CLIC4: variants seen among roughly 807,000 people sequenced by gnomAD.
CLIC4 encodes CLIC family member 4, also known as chloride intracellular channel protein 4.
Under a neutral mutation model 24.6 loss-of-function variants are expected in CLIC4, and 13 were observed. That is an observed-to-expected ratio of 0.53 (90% CI 0.34 to 0.84). The LOEUF (loss-of-function observed/expected upper bound fraction) is 0.84, where lower values mean the gene tolerates loss of function less well. CLIC4 is among the 40% of genes least tolerant of loss of function. CLIC4 has a pLI of 0.01. For missense variants in CLIC4, 227 were observed against 301.7 expected, an observed-to-expected ratio of 0.75 and a Z score of 1.83; for synonymous variants, 104 against 111.3, an observed-to-expected ratio of 0.93 and a Z score of 0.41.
At chr1:24,838,195 A>G (rs1176797757) in intron 4 of CLIC4, among the ~76,000 whole-genome samples, 3 of 152,062 alleles carry the variant, frequency 2.0e-5, no homozygotes, top group Non-Finnish European at 2.9e-5. Context: ...CTCTGTCCCC[A>G]AGATCTAAAC....
At chr1:24,778,456 G>A (rs1277800912) in intron 1 of CLIC4, among the ~76,000 whole-genome samples, 1 of 152,080 alleles carries the variant, frequency 6.6e-6, no homozygotes, top group Admixed American at 6.5e-5. Context: ...TTGATTTATT[G>A]TAGTTGATAC....
chr1:24,805,872 C>T (rs1039552793), intron 2 of CLIC4, among the ~76,000 whole-genome samples: 10 of 152,104 alleles, frequency 6.6e-5, no homozygotes, highest in Non-Finnish European at 1.0e-4. Context: ...CCTTTTCATT[C>T]GTTTCTTTTC....
chr1:24,836,580 G>A (rs1171183662), intron 4 of CLIC4, among the ~76,000 whole-genome samples: 1 of 152,224 alleles, frequency 6.6e-6, no homozygotes. Context: ...GCTCATGCCT[G>A]TAATCCCAGC....
intron 4 of CLIC4, among the ~76,000 whole-genome samples, chr1:24,838,152 CTT>C (rs1639904365): frequency 1.3e-5 from 2 of 152,086 alleles, no homozygotes; most frequent in Non-Finnish European, 2.9e-5. Context: ...CCCTGGGAGT[CTT>C]TAGTTTGTTG....
chr1:24,817,911 G>A (rs1241765510), intron 3 of CLIC4, among the ~76,000 whole-genome samples: 3 of 152,148 alleles, frequency 2.0e-5, no homozygotes, highest in Non-Finnish European at 4.4e-5. Context: ...AAAGACAGGG[G>A]AACAGCAATC....
intron 1 of CLIC4, among the ~76,000 whole-genome samples, chr1:24,783,736 T>G (rs988073502): frequency 6.6e-6 from 1 of 152,142 alleles, no homozygotes; most frequent in Non-Finnish European, 1.5e-5. Flanking sequence ...GTAATTGTCT[T>G]CTGAACCAGA....
At chr1:24,793,096 A>AT (rs1393447047) in intron 1 of CLIC4, 1 of 151,366 alleles carries the variant, frequency 6.6e-6, no homozygotes, top group African/African-American at 2.4e-5. Flanking sequence ...AATTTTATAG[A>AT]TTAAGTGGAG....
chr1:24,745,960 C>T (rs1338286389), intron 1 of CLIC4, among the ~76,000 whole-genome samples: 2 of 150,378 alleles, frequency 1.3e-5, no homozygotes, highest in Non-Finnish European at 3.0e-5. Flanking sequence ...GCCGGGCGCG[C>T]GCGGGTCCTG....
At chr1:24,758,980 A>G (rs1638886917) in intron 1 of CLIC4, among the ~76,000 whole-genome samples, 2 of 152,172 alleles carry the variant, frequency 1.3e-5, no homozygotes, top group African/African-American at 4.8e-5. Context: ...GGTTTTATAA[A>G]AGAAACTCAG....
At chr1:24,796,425 G>C (rs1298785054) in intron 1 of CLIC4, among the ~76,000 whole-genome samples, 3 of 152,136 alleles carry the variant, frequency 2.0e-5, no homozygotes, top group Non-Finnish European at 4.4e-5. Context: ...CTGACCTCGT[G>C]ATCTGCCCTC....
rs1209794668 is a variant in CLIC4 at position 24,759,000 on chromosome 1, A to G, written c.72+13375A>G. 5.9e-5 allele frequency among the ~76,000 whole-genome samples: 9 copies of G among 152,138 alleles called. No individual in the cohort carries two copies. The South Asian group carries it at 6.2e-4, about 10-fold the overall frequency. ...TATAAAAGAAACTCAGATTTTGCCTATATCTTCTTTAGAACATTTGATCTT... is the reference window on the plus strand; with the variant it reads ...TATAAAAGAAACTCAGATTTTGCCTGTATCTTCTTTAGAACATTTGATCTT... On this transcript the variant is annotated intron_variant, in intron 1 of 5. Transcript: ENST00000374379.
In CLIC4 at chr1:24,818,553, C is replaced by T. The variant is rs138583361; in HGVS notation, c.308+4334C>T. Among the ~76,000 whole-genome samples the T allele has an allele frequency of 3.6e-3, 553 of 152,302 alleles. 5 individuals are homozygous for T. The highest frequency in any genetic ancestry group is 0.013 in the African/African-American group (542 of 41,564). On this transcript the variant is annotated intron_variant, in intron 3 of 5. Transcript: ENST00000374379. Reference sequence around the variant, plus strand: ...CCGCCCACCTCGGCCTCTCAAAGTGCTGGGATTACAGGTGTGAGCCACTGT... The same window carrying T: ...CCGCCCACCTCGGCCTCTCAAAGTGTTGGGATTACAGGTGTGAGCCACTGT...
At chr1:24,800,389 A>G (rs1191230107) in intron 2 of CLIC4, among the ~76,000 whole-genome samples, 3 of 125,636 alleles carry the variant, frequency 2.4e-5, no homozygotes, top group African/African-American at 6.2e-5. Flanking sequence ...TCCGGGAGGG[A>G]GGTGGGGGGG....
intron 1 of CLIC4, chr1:24,771,861 C>T (rs772860331): frequency 3.9e-6 from 2 of 513,956 alleles, no homozygotes; most frequent in Non-Finnish European, 7.8e-6. Context: ...TATGTGTATC[C>T]TAATTGATCT....
intron 4 of CLIC4, among the ~76,000 whole-genome samples, chr1:24,831,144 A>G: frequency 6.6e-6 from 1 of 152,198 alleles, no homozygotes; most frequent in Admixed American, 6.5e-5. Flanking sequence ...TAGCAATTCG[A>G]CTTCATCAGA....
intron 1 of CLIC4, among the ~76,000 whole-genome samples, chr1:24,759,414 A>G (rs139097389): frequency 1.2e-3 from 182 of 152,148 alleles, no homozygotes; most frequent in Middle Eastern, 6.8e-3. Context: ...TGAGTAAATG[A>G]GCCATGGTTG....
chr1:24,763,895 G>C (rs1470393676), intron 1 of CLIC4, among the ~76,000 whole-genome samples: 1 of 152,144 alleles, frequency 6.6e-6, no homozygotes, highest in Non-Finnish European at 1.5e-5. Context: ...CTATAATAAA[G>C]TAAGCTCCAG....
chr1:24,768,823 C>T (rs796107832), intron 1 of CLIC4, among the ~76,000 whole-genome samples: 37 of 150,884 alleles, frequency 2.5e-4, no homozygotes, highest in African/African-American at 8.8e-4. Flanking sequence ...ATCACTTGAA[C>T]CCAGGAGGTG....
chr1:24,780,120 G>A (rs1639185746), intron 1 of CLIC4, among the ~76,000 whole-genome samples: 1 of 152,150 alleles, frequency 6.6e-6, no homozygotes, highest in Non-Finnish European at 1.5e-5. Flanking sequence ...TTAACCACAT[G>A]CTGGACAATA....
Sources: gnomAD v4.1 joint callset for allele counts (sites outside exome capture counted in the v4.1 genomes callset) on GRCh38, gnomAD v4.1.1 for gene constraint, MANE v1.5 for transcripts, NCBI Gene and HGNC (gene_info 2026-07-23, HGNC 2026-07-21) for gene names.